RAP2B: variants seen among roughly 807,000 people sequenced by gnomAD.
RAP2B encodes the protein RAP2B, member of RAS oncogene family, also known as ras-related protein Rap-2b.
A neutral mutation model predicts 14.4 loss-of-function variants in RAP2B; 6 were observed. That is an observed-to-expected ratio of 0.42 (90% confidence interval 0.23 to 0.82). RAP2B has a LOEUF of 0.82. RAP2B is among the 40% of genes least tolerant of loss of function. RAP2B has a pLI of 0.30. For missense variants in RAP2B, 137 were observed against 248.2 expected, an observed-to-expected ratio of 0.55 and a Z score of 3.01; for synonymous variants, 118 against 113.2, an observed-to-expected ratio of 1.04 and a Z score of -0.27.
rs1713477739 is a variant in RAP2B, at chr3:153,163,564, G to C, written c.*319G>C. The C allele has an allele frequency of 9.5e-6, 2 of 210,576 alleles. No individual in the cohort carries two copies. Among genetic ancestry groups the C allele is most frequent in the African/African-American group, 4.8e-5 (2 of 41,648 alleles). The allele number at this position is 210,576 out of a possible 1,614,324, so 13.0% of individuals were successfully genotyped here. On this transcript the variant is annotated 3_prime_UTR_variant, in exon 1 of 1. Coordinates refer to ENST00000323534, the MANE Select transcript of RAP2B (RefSeq NM_002886.4). ...GTATCGGCAGCTTGACACCCACCAA[G>C]CAAAAGTTTCAGCCTGGAAAAAAAA...
chr3:153,166,488 T>A lies in RAP2B; in HGVS notation c.*3243T>A, dbSNP rs1397810236. The A allele has an allele frequency of 6.0e-6, 1 of 167,066 alleles. No individual in the cohort carries two copies. The highest frequency in any genetic ancestry group is 1.5e-5 in the Non-Finnish European group (1 of 68,100). The allele number at this position is 167,066 out of a possible 1,614,324, so 10.3% of individuals were successfully genotyped here. A position where few individuals can be genotyped will look rare whatever the true frequency, so the allele number is the denominator to read the frequency against. ...ATTGGGTGGGAAAGGAGTCTTTATCTTGGGGAGCAAAAGCTGACTTTTAAA... is the reference window on the plus strand; with the variant it reads ...ATTGGGTGGGAAAGGAGTCTTTATCATGGGGAGCAAAAGCTGACTTTTAAA... On this transcript the variant is annotated 3_prime_UTR_variant, in exon 1 of 1. Transcript: ENST00000323534.
At position 153,162,271 on chromosome 3, in the gene RAP2B, C is replaced by T. The variant is rs1027603936; in HGVS notation, c.-423C>T. On this transcript the variant is annotated 5_prime_UTR_variant, in exon 1 of 1. Coordinates refer to ENST00000323534, the MANE Select transcript of RAP2B (RefSeq NM_002886.4). This position sits in a 1 kb window ranked among gnomAD's most constrained non-coding sequence, Gnocchi z 4.9. ...GCGCGATGGGCCGCGGCGGTGGGCG[C>T]ACGTTCCGCGGGGACTCATGCCACG... 2 of 153,512 alleles carry T rather than the reference C, an allele frequency of 1.3e-5. No homozygotes were observed. Among genetic ancestry groups the T allele is most frequent in the East Asian group, 1.9e-4 (1 of 5,184 alleles). 9.5% of individuals were successfully genotyped at this position (153,512 alleles called of 1,614,324 possible). A position where few individuals can be genotyped will look rare whatever the true frequency, so the allele number is the denominator to read the frequency against.
rs1017017229 is a variant in RAP2B, at chr3:153,164,735, T to A, written c.*1490T>A. ...ATTTTTAAAGAAACAAACCCAAAAC[T>A]ATTGTTTGTGTTTCTGTGTTTCATA... On this transcript the variant is annotated 3_prime_UTR_variant, in exon 1 of 1. Transcript: ENST00000323534. 2 of 167,066 alleles carry A rather than the reference T, an allele frequency of 1.2e-5. No individual in the cohort carries two copies. Among genetic ancestry groups the A allele is most frequent in the African/African-American group, 4.8e-5 (2 of 41,450 alleles). The allele number at this position is 167,066 out of a possible 1,614,324, so 10.3% of individuals were successfully genotyped here.
rs1247353000 is a variant in RAP2B, at chr3:153,169,663, C to G, written c.*6418C>G. On this transcript the variant is annotated 3_prime_UTR_variant, in exon 1 of 1. Coordinates refer to ENST00000323534, the MANE Select transcript of RAP2B (RefSeq NM_002886.4). Reference sequence around the variant, plus strand: ...GTTTCACTACGTTGGTCAGGATGGTCTTGAACTTCTGACCTTGTGCTCCAC... The same window carrying G: ...GTTTCACTACGTTGGTCAGGATGGTGTTGAACTTCTGACCTTGTGCTCCAC... 6.6e-6 allele frequency: 1 copy of G among 152,176 alleles called. No homozygotes were observed. Among genetic ancestry groups the G allele is most frequent in the Non-Finnish European group, 1.5e-5 (1 of 68,086 alleles). 9.4% of individuals were successfully genotyped at this position (152,176 alleles called of 1,614,324 possible). A position where few individuals can be genotyped will look rare whatever the true frequency, so the allele number is the denominator to read the frequency against.
chr3:153,167,028 A>G lies in RAP2B; in HGVS notation c.*3783A>G, dbSNP rs992482460. 9.0e-5 allele frequency: 15 copies of G among 167,022 alleles called. No individual in the cohort carries two copies. Among genetic ancestry groups the G allele is most frequent in the African/African-American group, 2.2e-4 (9 of 41,470 alleles). The allele number at this position is 167,022 out of a possible 1,614,324, so 10.3% of individuals were successfully genotyped here. ...AACAGCTGGAATAAGTTCCTGCATT[A>G]TAAGTATAAAGGGAACCGAGATTTA... is the stretch of plus-strand genomic sequence containing the variant. On this transcript the variant is annotated 3_prime_UTR_variant, in exon 1 of 1. Coordinates refer to ENST00000323534, the MANE Select transcript of RAP2B (RefSeq NM_002886.4).
chr3:153,163,724 A>T lies in RAP2B; in HGVS notation c.*479A>T, dbSNP rs1466945436. The stretch of plus-strand genomic sequence containing the variant: ...TTTTCTAGTTCCAAGTTTTAAATAC[A>T]TGGAAGGAAGTCCGGGAGAACCATA... On this transcript the variant is annotated 3_prime_UTR_variant, in exon 1 of 1. Transcript: ENST00000323534. 1.4e-5 allele frequency: 2 copies of T among 145,674 alleles called. No individual in the cohort carries two copies. The highest frequency in any genetic ancestry group is 3.0e-5 in the Non-Finnish European group (2 of 66,258). 9.0% of individuals were successfully genotyped at this position (145,674 alleles called of 1,614,324 possible). A position where few individuals can be genotyped will look rare whatever the true frequency, so the allele number is the denominator to read the frequency against.
At position 153,167,138 on chromosome 3, in the gene RAP2B, CTG is replaced by C. The variant is rs1190768935; in HGVS notation, c.*3896_*3897del. 1 of 166,936 alleles carries C rather than the reference CTG, an allele frequency of 6.0e-6. No homozygotes were observed. Among genetic ancestry groups the C allele is most frequent in the Non-Finnish European group, 1.5e-5 (1 of 68,098 alleles). 10.3% of individuals were successfully genotyped at this position (166,936 alleles called of 1,614,324 possible). On this transcript the variant is annotated 3_prime_UTR_variant, in exon 1 of 1. Transcript: ENST00000323534. ...GAAAGTTTGCTAATATACATTTTGT[CTG>C]TGAAAATATAGTAAATTTTAAAATA...
rs1713648871 is a variant in RAP2B, at chr3:153,168,833, A to G, written c.*5588A>G. 6.6e-6 allele frequency: 1 copy of G among 152,218 alleles called. No homozygotes were observed. Among genetic ancestry groups the G allele is most frequent in the African/African-American group, 2.4e-5 (1 of 41,450 alleles). 9.4% of individuals were successfully genotyped at this position (152,218 alleles called of 1,614,324 possible). A position where few individuals can be genotyped will look rare whatever the true frequency, so the allele number is the denominator to read the frequency against. ...ATTTATGGTTGATAGTTTGAGATCT[A>G]TGACAGTTTTAGGGAGCTCCATATT... On this transcript the variant is annotated 3_prime_UTR_variant, in exon 1 of 1. Transcript: ENST00000323534.
rs1161411358 is a variant in RAP2B, at chr3:153,163,108, A to T, written c.415A>T (p.Ser139Cys). 1 of 1,613,722 alleles carries T rather than the reference A, an allele frequency of 6.2e-7. No homozygotes were observed. Among genetic ancestry groups the T allele is most frequent in the South Asian group, 1.1e-5 (1 of 91,084 alleles). ...GGGCAAGGCCCTGGCTGAGGAGTGGAGCTGCCCCTTCATGGAGACGTCGGC... is the reference window on the plus strand; with the variant it reads ...GGGCAAGGCCCTGGCTGAGGAGTGGTGCTGCCCCTTCATGGAGACGTCGGC... ...GEGKALAEEW[S>C]CPFMETSAKN... Residue 139 changes from serine (S) to cysteine (C), a missense_variant, in exon 1 of 1, where the codon AGC (serine) becomes TGC (cysteine). Ser to Cys is a moderately radical substitution (Grantham distance 112). Around this residue, in one of 2 missense-constraint regions of RAP2B, gnomAD observed 106 missense variants for 143.5 expected, o/e 0.74. Transcript: ENST00000323534.
At position 153,163,438 on chromosome 3, in the gene RAP2B, C is replaced by T. The variant is rs755194609; in HGVS notation, c.*193C>T. 7.3e-6 allele frequency: 5 copies of T among 681,342 alleles called. No individual in the cohort carries two copies. The East Asian group carries it at 1.1e-4, about 16-fold the overall frequency. The allele number at this position is 681,342 out of a possible 1,614,324, so 42.2% of individuals were successfully genotyped here. A position where few individuals can be genotyped will look rare whatever the true frequency, so the allele number is the denominator to read the frequency against. Reference sequence around the variant, plus strand: ...GCCCGAGGGGGTGTCCGGTCCTGCCCATCCGATACTCTGGTGGAAATGTGG... The same window carrying T: ...GCCCGAGGGGGTGTCCGGTCCTGCCTATCCGATACTCTGGTGGAAATGTGG... On this transcript the variant is annotated 3_prime_UTR_variant, in exon 1 of 1. Transcript: ENST00000323534.
chr3:153,166,134 G>T lies in RAP2B; in HGVS notation c.*2889G>T, dbSNP rs1276701627. 6.0e-6 allele frequency: 1 copy of T among 167,038 alleles called. No individual in the cohort carries two copies. The highest frequency in any genetic ancestry group is 2.4e-5 in the African/African-American group (1 of 41,434). 10.3% of individuals were successfully genotyped at this position (167,038 alleles called of 1,614,324 possible). On this transcript the variant is annotated 3_prime_UTR_variant, in exon 1 of 1. Coordinates refer to ENST00000323534, the MANE Select transcript of RAP2B (RefSeq NM_002886.4). ...TATAGTCTAGGATGGCAGAGCAGAA[G>T]ATTTTAATATGCTTTTATTAAGTGA...
In RAP2B at chr3:153,166,356, G is replaced by C. The variant is rs1419637943; in HGVS notation, c.*3111G>C. 3.0e-5 allele frequency: 5 copies of C among 167,014 alleles called. No homozygotes were observed. Among genetic ancestry groups the C allele is most frequent in the Non-Finnish European group, 7.3e-5 (5 of 68,108 alleles). 10.3% of individuals were successfully genotyped at this position (167,014 alleles called of 1,614,324 possible). A position where few individuals can be genotyped will look rare whatever the true frequency, so the allele number is the denominator to read the frequency against. On this transcript the variant is annotated 3_prime_UTR_variant, in exon 1 of 1. Transcript: ENST00000323534. ...CTATTAAGAACCCCTTGTGGTATTA[G>C]TGTGTGAAGAGATAAGGGCATTTGT...
At position 153,165,592 on chromosome 3, in the gene RAP2B, G is replaced by C. The variant is rs541196655; in HGVS notation, c.*2347G>C. 1.9e-4 allele frequency: 32 copies of C among 166,264 alleles called. No individual in the cohort carries two copies. Among genetic ancestry groups the C allele is most frequent in the African/African-American group, 7.7e-4 (32 of 41,402 alleles). The allele number at this position is 166,264 out of a possible 1,614,324, so 10.3% of individuals were successfully genotyped here. ...ATATCTTGCCTTAAAATGTGTGTGT[G>C]TGTTTTTGCTTTGCTTTTTTTTTTT... On this transcript the variant is annotated 3_prime_UTR_variant, in exon 1 of 1. Transcript: ENST00000323534.
In RAP2B at chr3:153,163,449, C is replaced by T. The variant is rs1178279537; in HGVS notation, c.*204C>T. The T allele has an allele frequency of 1.5e-6, 1 of 651,868 alleles. No individual in the cohort carries two copies. The highest frequency in any genetic ancestry group is 2.9e-5 in the East Asian group (1 of 34,234). The allele number at this position is 651,868 out of a possible 1,614,324, so 40.4% of individuals were successfully genotyped here. A position where few individuals can be genotyped will look rare whatever the true frequency, so the allele number is the denominator to read the frequency against. ...TGTCCGGTCCTGCCCATCCGATACT[C>T]TGGTGGAAATGTGGCTCTTTGCAGC... On this transcript the variant is annotated 3_prime_UTR_variant, in exon 1 of 1. Coordinates refer to ENST00000323534, the MANE Select transcript of RAP2B (RefSeq NM_002886.4).
In RAP2B at chr3:153,165,539, C is replaced by T. The variant is rs1713550322; in HGVS notation, c.*2294C>T. ...GACAAAACCAAAAGAAATTAACAGG[C>T]CACAGGTTTCTTTAAAGCTGTGTTA... On this transcript the variant is annotated 3_prime_UTR_variant, in exon 1 of 1. Transcript: ENST00000323534. 1 of 166,316 alleles carries T rather than the reference C, an allele frequency of 6.0e-6. No individual in the cohort carries two copies. The highest frequency in any genetic ancestry group is 6.6e-5 in the Admixed American group (1 of 15,258). The allele number at this position is 166,316 out of a possible 1,614,324, so 10.3% of individuals were successfully genotyped here. A position where few individuals can be genotyped will look rare whatever the true frequency, so the allele number is the denominator to read the frequency against.
rs1282573812 is a variant in RAP2B at position 153,169,455 on chromosome 3, C to CT, written c.*6218dup. On this transcript the variant is annotated 3_prime_UTR_variant, in exon 1 of 1. Coordinates refer to ENST00000323534, the MANE Select transcript of RAP2B (RefSeq NM_002886.4). ...ACAGGTGTGAGCCACCGCACCCAGCCTTTTTTTTGAAATGGAGTCTGGCTC... is the reference window on the plus strand; with the variant it reads ...ACAGGTGTGAGCCACCGCACCCAGCCTTTTTTTTTGAAATGGAGTCTGGCTC... The CT allele has an allele frequency of 2.2e-5, 3 of 138,400 alleles. No individual in the cohort carries two copies. The highest frequency in any genetic ancestry group is 2.3e-4 in the South Asian group (1 of 4,368). 8.6% of individuals were successfully genotyped at this position (138,400 alleles called of 1,614,324 possible).
In RAP2B at chr3:153,166,143, AT is replaced by A. The variant is rs1458178806; in HGVS notation, c.*2899del. Reference sequence around the variant, plus strand: ...GGATGGCAGAGCAGAAGATTTTAATATGCTTTTATTAAGTGATGTAAAATAA... The same window carrying A: ...GGATGGCAGAGCAGAAGATTTTAATAGCTTTTATTAAGTGATGTAAAATAA... On this transcript the variant is annotated 3_prime_UTR_variant, in exon 1 of 1. Coordinates refer to ENST00000323534, the MANE Select transcript of RAP2B (RefSeq NM_002886.4). The A allele has an allele frequency of 6.0e-6, 1 of 167,088 alleles. No homozygotes were observed. Among genetic ancestry groups the A allele is most frequent in the African/African-American group, 2.4e-5 (1 of 41,460 alleles). 10.4% of individuals were successfully genotyped at this position (167,088 alleles called of 1,614,324 possible). A position where few individuals can be genotyped will look rare whatever the true frequency, so the allele number is the denominator to read the frequency against.
In RAP2B at chr3:153,162,543, T is replaced by A. The variant is rs1713433885; in HGVS notation, c.-151T>A. Reference sequence around the variant, plus strand: ...CCGGCGCCCGGCCTCCGTTCGGTGGTTTCCGCCCTGCGTTCTCTGGGTTGC... The same window carrying A: ...CCGGCGCCCGGCCTCCGTTCGGTGGATTCCGCCCTGCGTTCTCTGGGTTGC... On this transcript the variant is annotated 5_prime_UTR_variant, in exon 1 of 1. Transcript: ENST00000323534. The surrounding 1 kb of genome is among the most constrained non-coding windows in gnomAD (Gnocchi z 4.9). The A allele has an allele frequency of 2.0e-6, 2 of 978,010 alleles. No individual in the cohort carries two copies. Among genetic ancestry groups the A allele is most frequent in the South Asian group, 3.9e-5 (2 of 51,530 alleles). The allele number at this position is 978,010 out of a possible 1,614,324, so 60.6% of individuals were successfully genotyped here.
chr3:153,167,131 A>G lies in RAP2B; in HGVS notation c.*3886A>G, dbSNP rs886930579. 1 of 167,042 alleles carries G rather than the reference A, an allele frequency of 6.0e-6. No homozygotes were observed. Among genetic ancestry groups the G allele is most frequent in the Non-Finnish European group, 1.5e-5 (1 of 68,114 alleles). The allele number at this position is 167,042 out of a possible 1,614,324, so 10.3% of individuals were successfully genotyped here. A position where few individuals can be genotyped will look rare whatever the true frequency, so the allele number is the denominator to read the frequency against. ...ATTTGGGGAAAGTTTGCTAATATAC[A>G]TTTTGTCTGTGAAAATATAGTAAAT... On this transcript the variant is annotated 3_prime_UTR_variant, in exon 1 of 1. Transcript: ENST00000323534.
Sources: allele counts gnomAD v4.1 joint callset, GRCh38; gene constraint gnomAD v4.1.1; regional missense constraint gnomAD v4.1.1; non-coding constraint Gnocchi (gnomAD v3.1); transcripts MANE v1.5; gene names NCBI Gene and HGNC (gene_info 2026-07-23, HGNC 2026-07-21).